The following ROR2 variants were observed in gnomAD, a reference collection of about 807,000 sequenced individuals.
ROR2 encodes the protein ROR family WNT receptor 2, also known as tyrosine-protein kinase transmembrane receptor ROR2.
A neutral mutation model predicts 74.9 loss-of-function variants in ROR2; 33 were observed. That is an observed-to-expected ratio of 0.44 (90% confidence interval 0.33 to 0.59). ROR2 has a LOEUF of 0.59. Ranked by LOEUF, ROR2 falls within the 20% of genes least tolerant of loss-of-function variation. ROR2 has a pLI of 0.02. For missense variants in ROR2, 1,216 were observed against 1,313.8 expected (o/e 0.93, Z 1.15); for synonymous variants, 586 against 558.7 (o/e 1.05, Z -0.69).
At chr9:91,838,624 A>C (rs1357860691) in intron 1 of ROR2, among the ~76,000 whole-genome samples, 2 of 152,156 alleles carry the variant, frequency 1.3e-5, no homozygotes, top group Admixed American at 1.3e-4. Flanking sequence ...CCAGGCTCGC[A>C]GGCAGCCACC....
At chr9:91,778,279 A>C (rs1306192595) in intron 1 of ROR2, among the ~76,000 whole-genome samples, 1 of 152,240 alleles carries the variant, frequency 6.6e-6, no homozygotes, top group Non-Finnish European at 1.5e-5. Context: ...CTAATGGGCT[A>C]TCATCGTTCC....
chr9:91,900,444 G>A (rs767492470), intron 1 of ROR2, among the ~76,000 whole-genome samples: 2 of 152,220 alleles, frequency 1.3e-5, no homozygotes, highest in African/African-American at 2.4e-5. Context: ...GCAATCCTCC[G>A]GCTGCCTGGA....
At chr9:91,799,218 C>T in intron 1 of ROR2, among the ~76,000 whole-genome samples, 1 of 152,110 alleles carries the variant, frequency 6.6e-6, no homozygotes, top group East Asian at 1.9e-4. Flanking sequence ...TTTTCAATGA[C>T]ACTGCCCCAG....
At chr9:91,907,825 G>A (rs1001323873) in intron 1 of ROR2, among the ~76,000 whole-genome samples, 1 of 152,152 alleles carries the variant, frequency 6.6e-6, no homozygotes, top group African/African-American at 2.4e-5. Context: ...GCCTCACAAG[G>A]TCTTCAGGTT....
At chr9:91,772,216 T>C (rs999545097) in intron 2 of ROR2, among the ~76,000 whole-genome samples, 14 of 152,222 alleles carry the variant, frequency 9.2e-5, no homozygotes, top group Admixed American at 2.0e-4. Context: ...AAGGGAAAGA[T>C]TGGGGCCCCT....
At chr9:91,884,882 T>C (rs2119376960) in intron 1 of ROR2, among the ~76,000 whole-genome samples, 1 of 152,366 alleles carries the variant, frequency 6.6e-6, no homozygotes, top group African/African-American at 2.4e-5. Context: ...TCATATTTTC[T>C]AAATTAAGTC....
chr9:91,762,795 C>T (rs573602881), intron 2 of ROR2, among the ~76,000 whole-genome samples: 1 of 152,276 alleles, frequency 6.6e-6, no homozygotes. Flanking sequence ...AATAGAATAG[C>T]CCATTATACA....
chr9:91,826,631 G>T (rs1234808855), intron 1 of ROR2, among the ~76,000 whole-genome samples: 1 of 151,696 alleles, frequency 6.6e-6, no homozygotes. Flanking sequence ...AATACAAAAA[G>T]AAATTAGCCG....
chr9:91,930,106 T>C (rs1831512306), intron 1 of ROR2, among the ~76,000 whole-genome samples: 1 of 152,166 alleles, frequency 6.6e-6, no homozygotes, highest in Admixed American at 6.5e-5. Context: ...CCAGCCACCA[T>C]ATTTTTTAAA....
At chr9:91,811,546 G>C (rs1437148101) in intron 1 of ROR2, among the ~76,000 whole-genome samples, 1 of 152,192 alleles carries the variant, frequency 6.6e-6, no homozygotes, top group Admixed American at 6.5e-5. Flanking sequence ...CCAATTCCTA[G>C]AGGGAAGCAC....
intron 1 of ROR2, among the ~76,000 whole-genome samples, chr9:91,788,717 T>C (rs1236572080): frequency 6.6e-6 from 1 of 151,532 alleles, no homozygotes; most frequent in African/African-American, 2.4e-5. Flanking sequence ...ATACAAAAAT[T>C]AGTCAAGCGT....
Position 91,723,253 on chromosome 9 carries a change from A to C in ROR2, c.*409T>G, listed in dbSNP as rs1836859890. The C allele has an allele frequency of 5.6e-6, 1 of 178,248 alleles. No individual in the cohort carries two copies. Among genetic ancestry groups the C allele is most frequent in the African/African-American group, 2.4e-5 (1 of 42,164 alleles). 11.0% of individuals were successfully genotyped at this position (178,248 alleles called of 1,614,324 possible). A position where few individuals can be genotyped will look rare whatever the true frequency, so the allele number is the denominator to read the frequency against. ...CGGTTGTCAGGAACCTCAAGACCCG[A>C]GGTGCCTCCTCGCTGCCTTTTGCAG... On this transcript the variant is annotated 3_prime_UTR_variant, in exon 9 of 9. Coordinates refer to ENST00000375708, the MANE Select transcript of ROR2 (RefSeq NM_004560.4).
chr9:91,724,739 G>A lies in ROR2; in HGVS notation c.1755C>T (p.Ser585=), dbSNP rs113703883. The A allele has an allele frequency of 1.2e-5, 19 of 1,614,118 alleles. 1 individual carries two copies. Among genetic ancestry groups the A allele is most frequent in the South Asian group, 6.6e-5 (6 of 91,080 alleles). ...GSTDDDRTVK[S]ALEPPDFVHL... The stretch of plus-strand genomic sequence containing the variant: ...GCACGAAGTCGGGGGGCTCCAGGGC[G>A]GACTTCACCGTGCGGTCATCATCGG... Residue 585 remains serine, a synonymous_variant, in exon 9 of 9, where the codon TCC becomes TCT. Coordinates refer to ENST00000375708, the MANE Select transcript of ROR2 (RefSeq NM_004560.4).
intron 1 of ROR2, among the ~76,000 whole-genome samples, chr9:91,846,314 AG>A (rs1828930021): frequency 6.6e-6 from 1 of 152,212 alleles, no homozygotes; most frequent in East Asian, 1.9e-4. Context: ...AAGGGACAAA[AG>A]GGAGCTTCCA....
chr9:91,844,348 G>A (rs921642455), intron 1 of ROR2, among the ~76,000 whole-genome samples: 3 of 151,958 alleles, frequency 2.0e-5, no homozygotes, highest in Non-Finnish European at 2.9e-5. Flanking sequence ...ATGGGCTCTC[G>A]GCCTCCACGC....
At chr9:91,892,869 C>T (rs561475976) in intron 1 of ROR2, among the ~76,000 whole-genome samples, 2 of 152,132 alleles carry the variant, frequency 1.3e-5, no homozygotes, top group East Asian at 3.9e-4. Context: ...GGAATACAGG[C>T]GTGAGCCACC....
chr9:91,808,813 TTACTAAAAATATAAAAAATATA>T (rs529576649), intron 1 of ROR2, among the ~76,000 whole-genome samples: 5 of 151,224 alleles, frequency 3.3e-5, no homozygotes, highest in Admixed American at 1.3e-4. Flanking sequence ...ATATTTTTTT[TTACTAAAAATATAAAAAATATA>T]TACTAAAAAT....
intron 1 of ROR2, among the ~76,000 whole-genome samples, chr9:91,805,644 T>G (rs554017341): frequency 1.3e-5 from 2 of 152,064 alleles, no homozygotes; most frequent in African/African-American, 2.4e-5. Flanking sequence ...CTTCATAGGA[T>G]GGCAGCAGAA....
chr9:91,749,876 A>C (rs1825547471), intron 4 of ROR2, among the ~76,000 whole-genome samples: 1 of 152,202 alleles, frequency 6.6e-6, no homozygotes, highest in Non-Finnish European at 1.5e-5. Context: ...AATTATTTTG[A>C]AACTCTTATA....
Sources: gnomAD v4.1 joint callset for allele counts (sites outside exome capture counted in the v4.1 genomes callset) on GRCh38, gnomAD v4.1.1 for gene constraint, MANE v1.5 for transcripts, NCBI Gene and HGNC (gene_info 2026-07-23, HGNC 2026-07-21) for gene names.